The following TMTC2 variants were observed in gnomAD, a reference collection of about 807,000 sequenced individuals.
The protein encoded by TMTC2 is protein O-mannosyl-transferase TMTC2.
In TMTC2, 43 loss-of-function variants were observed where a neutral mutation model predicts 82.4. That is an observed-to-expected ratio of 0.52 (90% CI 0.41 to 0.67). TMTC2 has a LOEUF of 0.67. Among genes scored for constraint, TMTC2 ranks in the 30% least tolerant of loss-of-function variants. TMTC2 has a pLI of 0.00. For missense variants in TMTC2, 919 were observed against 1,012.4 expected, an observed-to-expected ratio of 0.91 and a Z score of 1.25; for synonymous variants, 408 against 381.9, an observed-to-expected ratio of 1.07 and a Z score of -0.80.
chr12:83,074,609 A>C (rs1322233953), intron 11 of TMTC2, among the ~76,000 whole-genome samples: 1 of 151,978 alleles, frequency 6.6e-6, no homozygotes, highest in Admixed American at 6.6e-5. Flanking sequence ...TGTGGTTGTC[A>C]GGGAATTGGA....
intron 7 of TMTC2, among the ~76,000 whole-genome samples, chr12:82,972,088 ATTTCTTATGTGATACT>A (rs1207440159): frequency 7.2e-5 from 11 of 152,152 alleles, no homozygotes; most frequent in Admixed American, 7.2e-4. Context: ...AACCTTTTTA[ATTTCTTATGTGATACT>A]TAAGAAATAC....
chr12:82,725,728 A>G (rs550738461), intron 1 of TMTC2, among the ~76,000 whole-genome samples: 2 of 152,212 alleles, frequency 1.3e-5, no homozygotes, highest in African/African-American at 4.8e-5. Context: ...GTCCAGAAAC[A>G]TGGGACAGTT....
At chr12:83,123,291 A>T (rs1543170) in intron 11 of TMTC2, among the ~76,000 whole-genome samples, 101,276 of 151,798 alleles carry the variant, frequency 0.67, 35,742 homozygotes, top group African/African-American at 0.91. Flanking sequence ...TCTGTGTCTG[A>T]TTTGTTTTAT....
Position 83,133,049 on chromosome 12 carries a change from A to T in TMTC2, c.*660A>T, listed in dbSNP as rs1885316129. 2 of 152,230 alleles carry T rather than the reference A, an allele frequency of 1.3e-5. No individual in the cohort carries two copies. Among genetic ancestry groups the T allele is most frequent in the African/African-American group, 4.8e-5 (2 of 41,446 alleles). The allele number at this position is 152,230 out of a possible 1,614,324, so 9.4% of individuals were successfully genotyped here. The stretch of plus-strand genomic sequence containing the variant: ...TTGCTTTTTATGTTCTGAAAAGGAT[A>T]TGGAGAGTAGAGCTAACCATACTTC... On this transcript the variant is annotated 3_prime_UTR_variant, in exon 12 of 12. Coordinates refer to ENST00000321196, the MANE Select transcript of TMTC2 (RefSeq NM_152588.3).
intron 1 of TMTC2, among the ~76,000 whole-genome samples, chr12:82,815,344 T>C (rs1868638610): frequency 1.3e-5 from 2 of 151,498 alleles, no homozygotes; most frequent in Admixed American, 1.3e-4. Context: ...GGAGTCTTGC[T>C]CTGTCCCCCA....
intron 11 of TMTC2, among the ~76,000 whole-genome samples, chr12:83,102,981 G>T (rs1242512447): frequency 6.6e-6 from 1 of 152,130 alleles, no homozygotes; most frequent in African/African-American, 2.4e-5. Context: ...TCTTTCCTCT[G>T]GTAGAGGATA....
chr12:82,965,335 T>A (rs192005435), intron 5 of TMTC2, among the ~76,000 whole-genome samples: 1 of 152,280 alleles, frequency 6.6e-6, no homozygotes, highest in East Asian at 1.9e-4. Context: ...TATTTTAAGC[T>A]TAAAATATTT....
intron 1 of TMTC2, among the ~76,000 whole-genome samples, chr12:82,785,116 A>G (rs139425612): frequency 1.3e-5 from 2 of 152,240 alleles, no homozygotes; most frequent in East Asian, 1.9e-4. Context: ...ATCCATGCCA[A>G]TGGGAAAGAA....
intron 1 of TMTC2, among the ~76,000 whole-genome samples, chr12:82,762,091 T>C (rs1876680149): frequency 6.6e-6 from 1 of 150,942 alleles, no homozygotes; most frequent in African/African-American, 2.4e-5. Context: ...CTCAGCCTCC[T>C]GAGTAACTGG....
At chr12:82,815,586 A>C (rs762180023) in intron 1 of TMTC2, among the ~76,000 whole-genome samples, 4 of 152,114 alleles carry the variant, frequency 2.6e-5, no homozygotes, top group Non-Finnish European at 5.9e-5. Flanking sequence ...TGCTGGGATT[A>C]CAGGCGTCCT....
At chr12:82,712,301 G>A (rs557713016) in intron 1 of TMTC2, among the ~76,000 whole-genome samples, 14 of 152,084 alleles carry the variant, frequency 9.2e-5, no homozygotes, top group African/African-American at 2.4e-4. Context: ...GTGGTGGCAC[G>A]CGCCTGTAAT....
At chr12:82,860,576 C>T (rs1871490981) in intron 2 of TMTC2, among the ~76,000 whole-genome samples, 1 of 152,218 alleles carries the variant, frequency 6.6e-6, no homozygotes, top group Admixed American at 6.5e-5. Context: ...CTATAGTTCT[C>T]TCCCAGAGTT....
chr12:82,859,163 G>C (rs1871407100), intron 2 of TMTC2, among the ~76,000 whole-genome samples: 1 of 151,344 alleles, frequency 6.6e-6, no homozygotes, highest in Non-Finnish European at 1.5e-5. Context: ...CGCCCCCCAG[G>C]TTCAAGCAAT....
intron 1 of TMTC2, among the ~76,000 whole-genome samples, chr12:82,838,511 G>A (rs1870169040): frequency 6.6e-6 from 1 of 152,192 alleles, no homozygotes; most frequent in Non-Finnish European, 1.5e-5. Flanking sequence ...CACTGCATCT[G>A]TTTCTACCCT....
intron 4 of TMTC2, among the ~76,000 whole-genome samples, chr12:82,932,104 C>T (rs1265758173): frequency 1.3e-5 from 2 of 152,002 alleles, no homozygotes; most frequent in Non-Finnish European, 2.9e-5. Context: ...CTCTGGTTAG[C>T]TGAATCTTTT....
At chr12:83,054,894 C>A (rs569573250) in intron 10 of TMTC2, among the ~76,000 whole-genome samples, 2 of 152,038 alleles carry the variant, frequency 1.3e-5, no homozygotes, top group South Asian at 2.1e-4. Context: ...CATGTAAAGA[C>A]CAGCTTTTAG....
intron 2 of TMTC2, among the ~76,000 whole-genome samples, chr12:82,891,535 C>T (rs575199626): frequency 5.1e-4 from 78 of 152,038 alleles, no homozygotes; most frequent in African/African-American, 1.8e-3. Flanking sequence ...CCAGAGCTCC[C>T]GACCTCAGGT....
intron 8 of TMTC2, among the ~76,000 whole-genome samples, chr12:83,009,736 A>G (rs187704705): frequency 1.8e-4 from 28 of 152,290 alleles, no homozygotes; most frequent in Non-Finnish European, 4.0e-4. Context: ...GTTGTCTAAT[A>G]TAACAGTGGC....
At chr12:83,007,104 C>CCAGAAAATTAA (rs1565849817) in intron 8 of TMTC2, among the ~76,000 whole-genome samples, 1 of 151,776 alleles carries the variant, frequency 6.6e-6, no homozygotes, top group Non-Finnish European at 1.5e-5. Context: ...TAGAAAAAAA[C>CCAGAAAATTAA]CCAGAAAATT....
Sources: allele counts gnomAD v4.1 joint callset (sites outside exome capture counted in the v4.1 genomes callset), GRCh38; gene constraint gnomAD v4.1.1; transcripts MANE v1.5; gene names NCBI Gene and HGNC (gene_info 2026-07-23, HGNC 2026-07-21).